The following LRRC4C variants were observed in gnomAD, a reference collection of about 807,000 sequenced individuals.
The protein encoded by LRRC4C is leucine rich repeat containing 4C.
Under a neutral mutation model 33.6 loss-of-function variants are expected in LRRC4C, and 5 were observed. The observed-to-expected ratio is 0.15, with a 90% CI of 0.08 to 0.31. The LOEUF is 0.31. LRRC4C is among the 10% of genes least tolerant of loss of function. LRRC4C has a pLI of 1.00. For synonymous variants in LRRC4C, 329 were observed against 302.0 expected, an observed-to-expected ratio of 1.09 and a Z score of -0.93; for missense variants, 560 against 796.7, an observed-to-expected ratio of 0.70 and a Z score of 3.58.
chr11:40,788,367 C>T (rs1950497009), intron 2 of LRRC4C, among the ~76,000 whole-genome samples: 1 of 152,066 alleles, frequency 6.6e-6, no homozygotes, highest in Non-Finnish European at 1.5e-5. Context: ...TCTGTATAGA[C>T]TCTGATGCTT....
intron 2 of LRRC4C, among the ~76,000 whole-genome samples, chr11:40,816,873 T>C (rs1234332078): frequency 1.3e-5 from 2 of 152,176 alleles, no homozygotes; most frequent in South Asian, 2.1e-4. Context: ...GGGTTGACTC[T>C]GAAGGTCTTT....
At chr11:40,233,671 T>C (rs993636060) in intron 5 of LRRC4C, among the ~76,000 whole-genome samples, 24 of 152,306 alleles carry the variant, frequency 1.6e-4, no homozygotes, top group African/African-American at 4.8e-4. Flanking sequence ...GAAACAATAT[T>C]ACAATGACAA....
At chr11:40,136,714 AC>A (rs1857005916) in intron 6 of LRRC4C, among the ~76,000 whole-genome samples, 1 of 152,220 alleles carries the variant, frequency 6.6e-6, no homozygotes, top group African/African-American at 2.4e-5. Context: ...ATTCAGTTTC[AC>A]TAATTTTGCA....
chr11:41,418,006 A>T (rs979506977), intron 1 of LRRC4C, among the ~76,000 whole-genome samples: 6 of 151,460 alleles, frequency 4.0e-5, no homozygotes, highest in African/African-American at 1.2e-4. Flanking sequence ...ACACACACAT[A>T]GACCCCCCCA....
intron 5 of LRRC4C, among the ~76,000 whole-genome samples, chr11:40,177,431 G>C (rs1860599624): frequency 6.6e-6 from 1 of 151,872 alleles, no homozygotes; most frequent in African/African-American, 2.4e-5. Context: ...ATTATCTCTA[G>C]GTCTCCTACC....
At chr11:40,321,709 C>T (rs994416671) in intron 3 of LRRC4C, among the ~76,000 whole-genome samples, 2 of 152,128 alleles carry the variant, frequency 1.3e-5, no homozygotes, top group Non-Finnish European at 1.5e-5. Context: ...TCTATCAGAT[C>T]GATTGTATCT....
At chr11:41,039,013 G>A (rs996259200) in intron 1 of LRRC4C, among the ~76,000 whole-genome samples, 62 of 152,116 alleles carry the variant, frequency 4.1e-4, no homozygotes, top group Non-Finnish European at 1.9e-4. Context: ...GCCAAGGCTC[G>A]ATATCAAGAT....
chr11:41,081,270 C>T (rs1265355075), intron 1 of LRRC4C, among the ~76,000 whole-genome samples: 4 of 152,142 alleles, frequency 2.6e-5, no homozygotes, highest in Non-Finnish European at 5.9e-5. Flanking sequence ...ACAGACTGAA[C>T]TTAAAACTGC....
At chr11:40,544,728 T>C (rs1353287633) in intron 3 of LRRC4C, among the ~76,000 whole-genome samples, 2 of 152,160 alleles carry the variant, frequency 1.3e-5, no homozygotes, top group Non-Finnish European at 2.9e-5. Context: ...GCAATATGTA[T>C]AAACTAGAAT....
intron 3 of LRRC4C, among the ~76,000 whole-genome samples, chr11:40,428,346 T>G (rs967994800): frequency 6.6e-6 from 1 of 152,200 alleles, no homozygotes; most frequent in South Asian, 2.1e-4. Context: ...TAAAGACTTG[T>G]TACATGGCTT....
chr11:40,695,411 T>A (rs1366661370), intron 2 of LRRC4C, among the ~76,000 whole-genome samples: 3 of 152,182 alleles, frequency 2.0e-5, no homozygotes, highest in East Asian at 3.8e-4. Context: ...TGCTAATATG[T>A]CACTAGCACT....
At chr11:40,702,808 C>T (rs148001810) in intron 2 of LRRC4C, among the ~76,000 whole-genome samples, 2 of 152,148 alleles carry the variant, frequency 1.3e-5, no homozygotes, top group African/African-American at 4.8e-5. Flanking sequence ...TCCACTTTGA[C>T]GTCCTCCATA....
intron 3 of LRRC4C, among the ~76,000 whole-genome samples, chr11:40,360,161 G>T (rs1590438002): frequency 6.6e-6 from 1 of 152,274 alleles, no homozygotes; most frequent in African/African-American, 2.4e-5. Flanking sequence ...TTGAAAGAAG[G>T]TAAACAAATG....
At chr11:40,816,590 C>T (rs1189895940) in intron 2 of LRRC4C, among the ~76,000 whole-genome samples, 1 of 152,086 alleles carries the variant, frequency 6.6e-6, no homozygotes, top group Non-Finnish European at 1.5e-5. Context: ...GTTTTTTAGA[C>T]ACATTCTTAT....
chr11:41,408,384 A>G (rs1395256451), intron 1 of LRRC4C, among the ~76,000 whole-genome samples: 1 of 152,178 alleles, frequency 6.6e-6, no homozygotes, highest in African/African-American at 2.4e-5. Flanking sequence ...GAATTCATCC[A>G]TTGATTCACT....
chr11:40,786,255 A>C (rs766455993), intron 2 of LRRC4C, among the ~76,000 whole-genome samples: 19 of 152,064 alleles, frequency 1.2e-4, no homozygotes, highest in African/African-American at 2.7e-4. Context: ...TGTCTTCCCC[A>C]CCTTTTGACT....
At chr11:41,070,204 C>T (rs1252140340) in intron 1 of LRRC4C, among the ~76,000 whole-genome samples, 4 of 152,028 alleles carry the variant, frequency 2.6e-5, no homozygotes, top group South Asian at 2.1e-4. Flanking sequence ...CTGAGAAAAC[C>T]GGCTAGCCAT....
At chr11:41,006,083 A>T (rs916255521) in intron 1 of LRRC4C, among the ~76,000 whole-genome samples, 4 of 152,192 alleles carry the variant, frequency 2.6e-5, no homozygotes, top group Non-Finnish European at 5.9e-5. Flanking sequence ...AAGAATTTTC[A>T]ACATATGTTT....
intron 1 of LRRC4C, among the ~76,000 whole-genome samples, chr11:41,049,847 G>C (rs746831034): frequency 7.2e-5 from 11 of 152,096 alleles, no homozygotes; most frequent in Non-Finnish European, 1.5e-4. Context: ...ATTAAGGCTG[G>C]TTTCAGAAAG....
Sources: gnomAD v4.1 joint callset for allele counts (sites outside exome capture counted in the v4.1 genomes callset) on GRCh38, gnomAD v4.1.1 for gene constraint, MANE v1.5 for transcripts, NCBI Gene and HGNC (gene_info 2026-07-23, HGNC 2026-07-21) for gene names.